ADGRL3: variants seen among roughly 807,000 people sequenced by gnomAD.
ADGRL3 encodes adhesion G protein-coupled receptor L3, also known as calcium-independent alpha-latrotoxin receptor 3.
ADGRL3 carries 62 observed loss-of-function variants against 153.5 expected under a neutral mutation model. The observed-to-expected ratio is 0.40, with a 90% CI of 0.33 to 0.50. The LOEUF is 0.50. Among genes scored for constraint, ADGRL3 ranks in the 20% least tolerant of loss-of-function variants. The pLI is 0.47. For synonymous variants in ADGRL3, 710 were observed against 672.5 expected (o/e 1.06, Z -0.86); for missense variants, 1,641 against 1,859.4 (o/e 0.88, Z 2.16).
intron 8 of ADGRL3, among the ~76,000 whole-genome samples, chr4:61,737,424 G>T (rs778297529): frequency 2.0e-5 from 3 of 152,104 alleles, no homozygotes. Context: ...GGTGACACTT[G>T]GTGATGGTTA....
intron 1 of ADGRL3, among the ~76,000 whole-genome samples, chr4:61,233,143 A>G (rs564330704): frequency 6.6e-6 from 1 of 152,328 alleles, no homozygotes; most frequent in Non-Finnish European, 1.5e-5. Context: ...ATGTAGTATT[A>G]CCCTAGTAAT....
At chr4:61,663,138 C>G (rs1310247320) in intron 5 of ADGRL3, among the ~76,000 whole-genome samples, 1 of 152,142 alleles carries the variant, frequency 6.6e-6, no homozygotes, top group Non-Finnish European at 1.5e-5. Context: ...AGGGCTGAAA[C>G]AGCTGTAACA....
rs1032745004 is a variant in ADGRL3, at chr4:62,070,813, G to A, written c.4537G>A (p.Gly1513Ser). The change falls in exon 27 of 27, where the codon GGC becomes AGC. Residue 1513 changes from glycine (G) to serine (S), a missense_variant. By Grantham distance (56) the Gly-to-Ser change is moderately conservative. Coordinates refer to ENST00000683033, the MANE Select transcript of ADGRL3 (RefSeq NM_001387552.1). ...QLHTYYQLGR[G>S]SSDGFIVPPN... Reference sequence around the variant, plus strand: ...GCATACTTACTACCAGCTAGGTCGCGGCAGCAGTGATGGATTTATAGTTCC... The same window carrying A: ...GCATACTTACTACCAGCTAGGTCGCAGCAGCAGTGATGGATTTATAGTTCC... 4 of 1,551,628 alleles carry A rather than the reference G, an allele frequency of 2.6e-6. No individual in the cohort carries two copies. The highest frequency in any genetic ancestry group is 3.5e-6 in the Non-Finnish European group (4 of 1,146,960).
At chr4:61,255,696 G>T (rs1362617729) in intron 1 of ADGRL3, among the ~76,000 whole-genome samples, 2 of 152,074 alleles carry the variant, frequency 1.3e-5, no homozygotes, top group Non-Finnish European at 2.9e-5. Flanking sequence ...TGGCCACATC[G>T]CACAGGTAGG....
At position 61,984,491 on chromosome 4, in the gene ADGRL3, C is replaced by A. The variant is rs533271730; in HGVS notation, c.3236+888C>A. On this transcript the variant is annotated intron_variant, in intron 19 of 26. Transcript: ENST00000683033. ...GCTGAGGCAGGGGAATCGCCTGAGCCCAGCCTTTGAGATTACAGTGAGCTG... is the reference window on the plus strand; with the variant it reads ...GCTGAGGCAGGGGAATCGCCTGAGCACAGCCTTTGAGATTACAGTGAGCTG... 1.3e-4 allele frequency among the ~76,000 whole-genome samples: 20 copies of A among 152,112 alleles called. No homozygotes were observed. In the South Asian group the frequency reaches 3.3e-3, roughly 25 times the overall value.
chr4:61,299,966 A>G (rs1035165703), intron 1 of ADGRL3, among the ~76,000 whole-genome samples: 1 of 152,158 alleles, frequency 6.6e-6, no homozygotes, highest in Non-Finnish European at 1.5e-5. Flanking sequence ...ATTGAAATCC[A>G]GTTTTCTTTT....
chr4:61,892,570 TA>T, intron 9 of ADGRL3, 85 bp from the exon 10 acceptor site: 1 of 987,364 alleles, frequency 1.0e-6, no homozygotes, highest in Non-Finnish European at 1.6e-6. Context: ...AACTGTCAAA[TA>T]AAAACAATTT....
At position 61,575,458 on chromosome 4, in the gene ADGRL3, G is replaced by C. The variant is rs149514015; in HGVS notation, c.260-11769G>C. Among the ~76,000 whole-genome samples the C allele has an allele frequency of 3.2e-3, 481 of 151,976 alleles. 1 individual carries two copies. The highest frequency in any genetic ancestry group is 0.011 in the African/African-American group (465 of 41,512). ...TGAAACTGTGGTATGTTGTCTCATG[G>C]TATCATATTTTGTTTTGTTTTTCCA... On this transcript the variant is annotated intron_variant, in intron 4 of 26. Transcript: ENST00000683033.
chr4:61,826,147 T>A (rs1418315099), intron 9 of ADGRL3, among the ~76,000 whole-genome samples: 1 of 151,968 alleles, frequency 6.6e-6, no homozygotes, highest in East Asian at 1.9e-4. Context: ...GATTAAACAG[T>A]CAAGATTATA....
Position 61,639,145 on chromosome 4 carries a change from C to A in ADGRL3, c.474-37681C>A, listed in dbSNP as rs184485880. On this transcript the variant is annotated intron_variant, in intron 5 of 26. Coordinates refer to ENST00000683033, the MANE Select transcript of ADGRL3 (RefSeq NM_001387552.1). ...ATAGATTTAGAAATGGAAGAAGTGA[C>A]AATTCAAAGTGCCTTTGTACGCTAA... Among the ~76,000 whole-genome samples the A allele has an allele frequency of 9.3e-4, 141 of 152,218 alleles. 2 individuals are homozygous for A. In the Middle Eastern group the frequency reaches 0.01, roughly 11 times the overall value.
intron 2 of ADGRL3, among the ~76,000 whole-genome samples, chr4:61,416,723 A>C (rs1229061943): frequency 1.3e-5 from 2 of 152,192 alleles, no homozygotes; most frequent in Non-Finnish European, 2.9e-5. Flanking sequence ...CCTTTTTGGC[A>C]CTAGGAACCA....
At chr4:61,880,405 A>G (rs901179300) in intron 9 of ADGRL3, among the ~76,000 whole-genome samples, 1 of 152,194 alleles carries the variant, frequency 6.6e-6, no homozygotes, top group African/African-American at 2.4e-5. Context: ...TAAAACTTGT[A>G]TTAAGTTTTG....
At chr4:61,578,469 T>G (rs2098904823) in intron 4 of ADGRL3, among the ~76,000 whole-genome samples, 1 of 152,110 alleles carries the variant, frequency 6.6e-6, no homozygotes, top group Non-Finnish European at 1.5e-5. Flanking sequence ...CTAATCTGTT[T>G]AAATAATCTA....
intron 8 of ADGRL3, among the ~76,000 whole-genome samples, chr4:61,784,026 G>A (rs2097247841): frequency 6.6e-6 from 1 of 152,090 alleles, no homozygotes; most frequent in African/African-American, 2.4e-5. Flanking sequence ...ATTACCCAAA[G>A]AGAATAAAGT....
intron 1 of ADGRL3, among the ~76,000 whole-genome samples, chr4:61,253,341 T>C (rs1412094830): frequency 6.6e-6 from 1 of 152,210 alleles, no homozygotes. Flanking sequence ...AATTTACTTT[T>C]GTATTGCAGA....
At chr4:61,733,582 T>TG in intron 8 of ADGRL3, 28 bp downstream of exon 8, 1 of 1,458,148 alleles carries the variant, frequency 6.9e-7, no homozygotes. Context: ...TGGTACTCTT[T>TG]GGGGAAATAT....
At chr4:61,439,286 AGAG>A (rs2097498747) in intron 2 of ADGRL3, among the ~76,000 whole-genome samples, 1 of 152,162 alleles carries the variant, frequency 6.6e-6, no homozygotes. Flanking sequence ...AATTTTTATA[AGAG>A]TAAAATGGGG....
At chr4:61,859,615 A>G (rs535340701) in intron 9 of ADGRL3, among the ~76,000 whole-genome samples, 1 of 152,306 alleles carries the variant, frequency 6.6e-6, no homozygotes, top group African/African-American at 2.4e-5. Context: ...CATAGAAACA[A>G]CAGTAACCTC....
chr4:61,323,671 C>T (rs1318446159), intron 1 of ADGRL3, among the ~76,000 whole-genome samples: 1 of 152,158 alleles, frequency 6.6e-6, no homozygotes, highest in Non-Finnish European at 1.5e-5. Flanking sequence ...TCTGAGACCA[C>T]CTCAGCCTGG....
Sources: allele counts gnomAD v4.1 joint callset (sites outside exome capture counted in the v4.1 genomes callset), GRCh38; gene constraint gnomAD v4.1.1; transcripts MANE v1.5; gene names NCBI Gene and HGNC (gene_info 2026-07-23, HGNC 2026-07-21).